TRAPPC6A: variants seen among roughly 807,000 people sequenced by gnomAD.
TRAPPC6A encodes trafficking protein particle complex subunit 6A.
A neutral mutation model predicts 20.8 loss-of-function variants in TRAPPC6A; 25 were observed. That is an observed-to-expected ratio of 1.20 (90% CI 0.88 to 1.68). The LOEUF is 1.68. Ranked by LOEUF, TRAPPC6A falls within the 40% of genes most tolerant of loss-of-function variation. The pLI, the probability that TRAPPC6A is intolerant of heterozygous loss-of-function variation, is 0.00. For missense variants in TRAPPC6A, 215 were observed against 211.6 expected (o/e 1.02, Z -0.10); for synonymous variants, 96 against 93.3 (o/e 1.03, Z -0.16).
At chr19:45,177,019 A>C (rs541644997) in intron 1 of TRAPPC6A, among the ~76,000 whole-genome samples, 1 of 152,102 alleles carries the variant, frequency 6.6e-6, no homozygotes, top group Admixed American at 6.5e-5. Context: ...AATAATAATA[A>C]TACAAAAAAT....
In TRAPPC6A at chr19:45,164,955, C is replaced by T. The variant is rs111563253; in HGVS notation, c.168G>A (p.Thr56=). 1.8e-5 allele frequency: 29 copies of T among 1,614,012 alleles called. No homozygotes were observed. The Admixed American group carries it at 3.5e-4, about 19-fold the overall frequency. ...QALGERLPRE[T]LAFREELDVL... ...CATCCAGCTCCTCCCTGAAGGCCAG[C>T]GTCTCCCGGGGCAGCCTGGTGGGGC... The change falls in exon 3 of 6, where the codon ACG becomes ACA. Residue 56 remains threonine (T), a synonymous_variant. Transcript: ENST00000585934.
rs763210009 is a variant in TRAPPC6A, at chr19:45,163,180, T to G, written c.*12A>C. Reference sequence around the variant, plus strand: ...AGGGGCAGCAGTGCGGCTCAGCAGGTGCGAGGCAGGCTTAGGATTTCGGAA... The same window carrying G: ...AGGGGCAGCAGTGCGGCTCAGCAGGGGCGAGGCAGGCTTAGGATTTCGGAA... On this transcript the variant is annotated 3_prime_UTR_variant, in exon 6 of 6. Coordinates refer to ENST00000585934, the MANE Select transcript of TRAPPC6A (RefSeq NM_001270891.2). This position sits in a 1 kb window ranked among gnomAD's most constrained non-coding sequence, Gnocchi z 5.3. 6 of 1,613,784 alleles carry G rather than the reference T, an allele frequency of 3.7e-6. No individual in the cohort carries two copies. Among genetic ancestry groups the G allele is most frequent in the South Asian group, 3.3e-5 (3 of 91,072 alleles).
intron 1 of TRAPPC6A, among the ~76,000 whole-genome samples, chr19:45,172,000 G>C (rs2122849237): frequency 6.6e-6 from 1 of 152,130 alleles, no homozygotes; most frequent in South Asian, 2.1e-4. Context: ...CAAAGCCTCT[G>C]AGGTAGAAAA....
intron 1 of TRAPPC6A, among the ~76,000 whole-genome samples, chr19:45,170,550 A>T (rs1463362787): frequency 6.6e-6 from 1 of 152,160 alleles, no homozygotes; most frequent in African/African-American, 2.4e-5. Context: ...AGGAGCGTGG[A>T]GTCTGAAGGG....
chr19:45,176,804 C>T (rs933803233), intron 1 of TRAPPC6A, among the ~76,000 whole-genome samples: 3 of 149,092 alleles, frequency 2.0e-5, no homozygotes, highest in Non-Finnish European at 4.4e-5. Flanking sequence ...GAGGCCGAGG[C>T]GGGTGGATCA....
Position 45,163,226 on chromosome 19 carries a change from G to C in TRAPPC6A, c.449-3C>G. 1 of 1,613,890 alleles carries C rather than the reference G, an allele frequency of 6.2e-7. No homozygotes were observed. Among genetic ancestry groups the C allele is most frequent in the East Asian group, 2.2e-5 (1 of 44,854 alleles). ...CGGAATCACCACCTGGAACTTACCT[G>C]GAAGAGAAGGCCTGGCTTAGGCTTG... On this transcript the variant is annotated splice_region_variant and splice_polypyrimidine_tract_variant and intron_variant, in intron 5 of 5. Coordinates refer to ENST00000585934, the MANE Select transcript of TRAPPC6A (RefSeq NM_001270891.2). This position sits in a 1 kb window ranked among gnomAD's most constrained non-coding sequence, Gnocchi z 5.3.
Position 45,163,916 on chromosome 19 carries a change from AGACGG to A in TRAPPC6A, c.443_447del (p.Pro148LeufsTer2). 1 of 1,556,720 alleles carries A rather than the reference AGACGG, an allele frequency of 6.4e-7. No homozygotes were observed. The highest frequency in any genetic ancestry group is 8.7e-7 in the Non-Finnish European group (1 of 1,146,970). On this transcript the variant is annotated frameshift_variant and splice_region_variant, in exon 5 of 6. Transcript: ENST00000585934. LOFTEE classifies it high-confidence loss of function. This position sits in a 1 kb window ranked among gnomAD's most constrained non-coding sequence, Gnocchi z 5.3. ...AATCCCCCCACCCCCCATGACTCACAGACGGGCAGGGCTGCCACGGAGGCGGTGAC... is the reference window on the plus strand; with the variant it reads ...AATCCCCCCACCCCCCATGACTCACAGCAGGGCTGCCACGGAGGCGGTGAC...
intron 1 of TRAPPC6A, among the ~76,000 whole-genome samples, chr19:45,171,216 C>T (rs996374291): frequency 2.0e-5 from 3 of 152,194 alleles, no homozygotes; most frequent in Non-Finnish European, 4.4e-5. Context: ...CCACCAGGAT[C>T]GCTTGAACCC....
rs181735560 is a variant in TRAPPC6A at position 45,174,847 on chromosome 19, G to A, written c.84+3288C>T. 2.2e-3 allele frequency among the ~76,000 whole-genome samples: 335 copies of A among 151,966 alleles called. 3 individuals carry two copies. Among genetic ancestry groups the A allele is most frequent in the African/African-American group, 5.3e-3 (220 of 41,450 alleles). ...CTCTTTAAAAAAAAATCAGCCGGGC[G>A]TGGTGGCTCACGCCTGTAATCCCAG... On this transcript the variant is annotated intron_variant, in intron 1 of 5. Transcript: ENST00000585934.
chr19:45,177,218 C>CACAG (rs1969404664), intron 1 of TRAPPC6A, among the ~76,000 whole-genome samples: 1 of 146,124 alleles, frequency 6.8e-6, no homozygotes, highest in African/African-American at 2.5e-5. Flanking sequence ...CACACACACA[C>CACAG]AGTCCCGGGC....
chr19:45,165,239 G>A (rs758910041), intron 1 of TRAPPC6A, 45 bp from the exon 2 acceptor site: 41 of 1,551,576 alleles, frequency 2.6e-5, no homozygotes, highest in Middle Eastern at 1.7e-4. Context: ...TAGCCACCAC[G>A]AACCCGGGGC....
chr19:45,174,971 A>T (rs1192613508), intron 1 of TRAPPC6A, among the ~76,000 whole-genome samples: 2 of 151,286 alleles, frequency 1.3e-5, no homozygotes, highest in Non-Finnish European at 2.9e-5. Context: ...ATACAAAAAA[A>T]AAAAAAATTG....
intron 1 of TRAPPC6A, among the ~76,000 whole-genome samples, chr19:45,175,835 A>G (rs1969360738): frequency 2.0e-5 from 3 of 151,982 alleles, no homozygotes. Context: ...TTGGGACATT[A>G]TTACCCACCC....
chr19:45,171,237 G>C (rs2122846766), intron 1 of TRAPPC6A, among the ~76,000 whole-genome samples: 1 of 152,292 alleles, frequency 6.6e-6, no homozygotes, highest in African/African-American at 2.4e-5. Flanking sequence ...GGGAGGCAGA[G>C]GTTTCAGTGA....
In TRAPPC6A at chr19:45,163,357, C is replaced by T. The variant is rs972374036; in HGVS notation, c.449-134G>A. On this transcript the variant is annotated intron_variant, in intron 5 of 5. Transcript: ENST00000585934. The surrounding 1 kb of genome is among the most constrained non-coding windows in gnomAD (Gnocchi z 5.3). ...AGGTTGGGCTGTTTCCTCCCGCCCA[C>T]GGGGCCGCATCCCTGAGCTGTGTGA... The T allele has an allele frequency of 1.6e-5, 15 of 931,270 alleles. No homozygotes were observed. The highest frequency in any genetic ancestry group is 3.1e-5 in the South Asian group (2 of 65,446). 57.7% of individuals were successfully genotyped at this position (931,270 alleles called of 1,614,324 possible). A position where few individuals can be genotyped will look rare whatever the true frequency, so the allele number is the denominator to read the frequency against.
chr19:45,175,518 AG>A (rs1012485663), intron 1 of TRAPPC6A, among the ~76,000 whole-genome samples: 3 of 152,136 alleles, frequency 2.0e-5, no homozygotes, highest in Non-Finnish European at 4.4e-5. Flanking sequence ...GAATGTATAA[AG>A]GAGATCCAAA....
intron 1 of TRAPPC6A, among the ~76,000 whole-genome samples, chr19:45,169,498 A>T (rs905371111): frequency 6.6e-6 from 1 of 152,200 alleles, no homozygotes; most frequent in African/African-American, 2.4e-5. Context: ...TACCTCCAGG[A>T]TCCTCACAAG....
At position 45,176,309 on chromosome 19, in the gene TRAPPC6A, A is replaced by AAC. The variant is rs1555750764; in HGVS notation, c.84+1825_84+1826insGT. 2.9e-3 allele frequency among the ~76,000 whole-genome samples: 437 copies of AAC among 150,684 alleles called. 2 individuals carry two copies. Among genetic ancestry groups the AAC allele is most frequent in the Non-Finnish European group, 4.7e-3 (320 of 67,652 alleles). On this transcript the variant is annotated intron_variant, in intron 1 of 5. Transcript: ENST00000585934. ...TCTACTAAAAATACAAAAAAAAAAA[A>AAC]CAAAATTAGCCGGGTGTGGTGGCAG...
intron 1 of TRAPPC6A, among the ~76,000 whole-genome samples, chr19:45,170,371 C>T (rs1021225906): frequency 1.3e-5 from 2 of 152,252 alleles, no homozygotes; most frequent in Non-Finnish European, 1.5e-5. Context: ...TGCGAGGGTG[C>T]ACTCCCACCC....
Sources: allele counts gnomAD v4.1 joint callset (sites outside exome capture counted in the v4.1 genomes callset), GRCh38; gene constraint gnomAD v4.1.1; non-coding constraint Gnocchi (gnomAD v3.1); transcripts MANE v1.5; gene names NCBI Gene and HGNC (gene_info 2026-07-23, HGNC 2026-07-21).